The following ZNF564 variants were observed in gnomAD, a reference collection of about 807,000 sequenced individuals.
ZNF564 encodes the protein zinc finger protein 564.
Under a neutral mutation model 10.5 loss-of-function variants are expected in ZNF564, and 5 were observed. That is an observed-to-expected ratio of 0.48 (90% CI 0.25 to 1.00). The LOEUF (loss-of-function observed/expected upper bound fraction) is 1.00, where lower values mean the gene tolerates loss of function less well. ZNF564 is among the 50% of genes least tolerant of loss of function. The pLI is 0.16. For synonymous variants in ZNF564, 242 were observed against 218.1 expected (o/e 1.11, Z -0.97); for missense variants, 603 against 669.7 (o/e 0.90, Z 1.10).
chr19:12,548,945 G>A, intron 1 of ZNF564: 2 of 693,158 alleles, frequency 2.9e-6, no homozygotes, highest in Admixed American at 2.1e-5. Flanking sequence ...TAGCCATAAT[G>A]GAAGACTGAA....
chr19:12,526,355 G>A lies in ZNF564; in HGVS notation c.*91C>T. The A allele has an allele frequency of 1.5e-6, 2 of 1,303,210 alleles. No individual in the cohort carries two copies. Among genetic ancestry groups the A allele is most frequent in the African/African-American group, 1.5e-5 (1 of 67,570 alleles). 80.7% of individuals were successfully genotyped at this position (1,303,210 alleles called of 1,614,324 possible). On this transcript the variant is annotated 3_prime_UTR_variant, in exon 4 of 4. Transcript: ENST00000339282. ...CAAAAGTGAGAAACAGGAGAAAGGG[G>A]TGAGCTCCCAAACAAGTCTGAAACC... is the stretch of plus-strand genomic sequence containing the variant.
intron 1 of ZNF564, among the ~76,000 whole-genome samples, chr19:12,542,912 G>A (rs1345299249): frequency 1.3e-5 from 2 of 152,124 alleles, no homozygotes; most frequent in East Asian, 1.9e-4. Flanking sequence ...TGAGGCAGGA[G>A]AATCAATTGA....
intron 1 of ZNF564, among the ~76,000 whole-genome samples, chr19:12,544,701 G>A (rs148433084): frequency 1.3e-5 from 2 of 152,266 alleles, no homozygotes; most frequent in East Asian, 3.9e-4. Context: ...CCATCTGGTT[G>A]CTCTAAACTC....
chr19:12,538,496 G>T (rs1001182375), intron 1 of ZNF564, among the ~76,000 whole-genome samples: 1 of 151,954 alleles, frequency 6.6e-6, no homozygotes, highest in Non-Finnish European at 1.5e-5. Context: ...CATGGTGGTG[G>T]GCACCTGTAA....
chr19:12,551,242 G>C (rs1189887956), intron 1 of ZNF564, 88 bp downstream of exon 1: 1 of 1,454,720 alleles, frequency 6.9e-7, no homozygotes, highest in Non-Finnish European at 9.4e-7. Context: ...AGTCGCTGCA[G>C]GGAGGCCAGG....
At chr19:12,548,196 GA>G in intron 1 of ZNF564, 2 of 969,654 alleles carry the variant, frequency 2.1e-6, no homozygotes, top group Non-Finnish European at 2.4e-6. Context: ...AGGAGGAAAG[GA>G]AACTGTAAGA....
intron 1 of ZNF564, among the ~76,000 whole-genome samples, chr19:12,544,724 T>C (rs775703601): frequency 2.6e-5 from 4 of 152,158 alleles, no homozygotes; most frequent in Admixed American, 6.6e-5. Context: ...CAACTAGAAC[T>C]CCCACAGAGT....
intron 1 of ZNF564, among the ~76,000 whole-genome samples, chr19:12,547,224 T>A (rs1485123388): frequency 6.6e-6 from 1 of 152,084 alleles, no homozygotes; most frequent in Admixed American, 6.6e-5. Flanking sequence ...CCACCACAAT[T>A]TTTTTTAATT....
At chr19:12,528,892 C>T (rs1190814334) in intron 1 of ZNF564, among the ~76,000 whole-genome samples, 196 bp from the exon 2 acceptor site, 3 of 152,100 alleles carry the variant, frequency 2.0e-5, no homozygotes, top group African/African-American at 7.2e-5. Context: ...GGTGAAACCC[C>T]ATCTCTACTA....
In ZNF564 at chr19:12,526,583, G is replaced by A. The variant is rs1202377709; in HGVS notation, c.1525C>T (p.Gln509Ter). 2 of 1,614,042 alleles carry A rather than the reference G, an allele frequency of 1.2e-6. No individual in the cohort carries two copies. The highest frequency in any genetic ancestry group is 2.2e-5 in the South Asian group (2 of 91,080). The change falls in exon 4 of 4, where the codon CAA becomes TAA. Residue 509 changes from glutamine (Q) to a stop codon, truncating the protein, a stop_gained. Transcript: ENST00000339282. LOFTEE classifies it low-confidence loss of function (END_TRUNC). ...HTGEKPYECK[Q>*]CGKTFSYSSS... ...GAATAACTGAACGTTTTTCCACATTGCTTACATTCATAGGGTTTTTCTCCG... is the reference window on the plus strand; with the variant it reads ...GAATAACTGAACGTTTTTCCACATTACTTACATTCATAGGGTTTTTCTCCG...
chr19:12,545,150 T>C (rs2145094423), intron 1 of ZNF564, among the ~76,000 whole-genome samples: 1 of 150,980 alleles, frequency 6.6e-6, no homozygotes, highest in Non-Finnish European at 1.5e-5. Flanking sequence ...TAATCCCAGC[T>C]ACTCAGGAGG....
At chr19:12,533,727 CAAAAAAAAAAAA>C (rs59631972) in intron 1 of ZNF564, among the ~76,000 whole-genome samples, 1 of 29,182 alleles carries the variant, frequency 3.4e-5, no homozygotes, top group African/African-American at 1.7e-4. Flanking sequence ...CTGCTGTCTC[CAAAAAAAAAAAA>C]AAAAAAAAAA....
chr19:12,532,286 A>T (rs191802880), intron 1 of ZNF564, among the ~76,000 whole-genome samples: 3,813 of 151,938 alleles, frequency 0.025, 168 homozygotes, highest in African/African-American at 0.087. Context: ...CTGTAATCCC[A>T]GCACTTTGGG....
chr19:12,529,505 CT>C (rs1255411273), intron 1 of ZNF564, among the ~76,000 whole-genome samples: 1 of 151,754 alleles, frequency 6.6e-6, no homozygotes, highest in South Asian at 2.1e-4. Flanking sequence ...ACTCGGGGGG[CT>C]GAAGCAGGAG....
intron 1 of ZNF564, chr19:12,548,044 G>A (rs1401987831): frequency 4.5e-6 from 2 of 441,864 alleles, no homozygotes; most frequent in Non-Finnish European, 6.0e-6. Context: ...CTCACCTCAG[G>A]TGATCCACCC....
intron 1 of ZNF564, among the ~76,000 whole-genome samples, chr19:12,532,395 C>T (rs142350022): frequency 0.031 from 4,719 of 150,472 alleles, 115 homozygotes; most frequent in Non-Finnish European, 0.049. Flanking sequence ...ATTAGCCGGG[C>T]GTGGTAGCAG....
At chr19:12,545,352 G>A (rs959002142) in intron 1 of ZNF564, among the ~76,000 whole-genome samples, 5 of 151,648 alleles carry the variant, frequency 3.3e-5, no homozygotes, top group Non-Finnish European at 5.9e-5. Flanking sequence ...TGTGATTCAC[G>A]GTCTCGATTC....
rs2022257326 is a variant in ZNF564, at chr19:12,551,318, C to G, written c.3+12G>C. 6.2e-7 allele frequency: 1 copy of G among 1,607,388 alleles called. No homozygotes were observed. The highest frequency in any genetic ancestry group is 1.3e-5 in the African/African-American group (1 of 74,654). ...TCCCCCAGTCTCCAGGCGCCCGGCC[C>G]CGCACACGCACCATTTCCTGGCTTC... On this transcript the variant is annotated intron_variant, in intron 1 of 3. Coordinates refer to ENST00000339282, the MANE Select transcript of ZNF564 (RefSeq NM_144976.4).
intron 1 of ZNF564, among the ~76,000 whole-genome samples, chr19:12,544,778 G>A (rs1018360134): frequency 6.6e-6 from 1 of 152,162 alleles, no homozygotes. Context: ...CTTGCTCCCT[G>A]GTTAGGTGTG....
Sources: allele counts gnomAD v4.1 joint callset (sites outside exome capture counted in the v4.1 genomes callset), GRCh38; gene constraint gnomAD v4.1.1; transcripts MANE v1.5; gene names NCBI Gene and HGNC (gene_info 2026-07-23, HGNC 2026-07-21).